LEF1: variants seen among roughly 807,000 people sequenced by gnomAD.
LEF1 encodes lymphoid enhancer-binding factor 1.
In LEF1, 14 loss-of-function variants were observed where a neutral mutation model predicts 51.2. The observed-to-expected ratio is 0.27, with a 90% CI of 0.18 to 0.43. The LOEUF (loss-of-function observed/expected upper bound fraction) is 0.43. Among genes scored for constraint, LEF1 ranks in the 20% least tolerant of loss-of-function variants. The probability of loss-of-function intolerance (pLI) is 1.00; values close to 1 mark genes in which losing one functional copy is unlikely to be tolerated. For synonymous variants in LEF1, 185 were observed against 183.2 expected (o/e 1.01, Z -0.08); for missense variants, 386 against 512.0 (o/e 0.75, Z 2.37).
At position 108,081,613 on chromosome 4, in the gene LEF1, G is replaced by A. The variant is rs561773931; in HGVS notation, c.695C>T (p.Ser232Leu). The A allele has an allele frequency of 5.6e-5, 90 of 1,614,162 alleles. No homozygotes were observed. In the South Asian group the frequency reaches 9.6e-4, roughly 17 times the overall value. Residue 232 changes from serine (S) to leucine (L), a missense_variant, in exon 6 of 12, where the codon TCA becomes TTA. Ser to Leu is a moderately radical substitution (Grantham distance 145). Around this residue, in one of 2 missense-constraint regions of LEF1, gnomAD observed 335 missense variants for 390.7 expected, o/e 0.86. Transcript: ENST00000265165. ...GGACATGGAAGTGTCGACTGACAGT[G>A]AGGATGGGTAGGGTTGCCTGAATCC... ...TGGFRQPYPS[S>L]LSVDTSMSRF...
intron 3 of LEF1, among the ~76,000 whole-genome samples, chr4:108,117,904 T>C (rs1044952430): frequency 6.6e-6 from 1 of 152,208 alleles, no homozygotes; most frequent in Non-Finnish European, 1.5e-5. Context: ...TTAGCACTTG[T>C]GAAATATAAC....
chr4:108,131,066 C>A (rs1742855345), intron 3 of LEF1, among the ~76,000 whole-genome samples: 1 of 151,878 alleles, frequency 6.6e-6, no homozygotes, highest in Admixed American at 6.6e-5. Context: ...AATTCAAACT[C>A]CTGGACTCAA....
intron 3 of LEF1, among the ~76,000 whole-genome samples, chr4:108,099,550 G>GTATATA (rs1740622728): frequency 2.2e-5 from 1 of 44,742 alleles, no homozygotes; most frequent in African/African-American, 5.4e-5. Context: ...ATATGTGTGT[G>GTATATA]TGTGTATGTG....
intron 2 of LEF1, among the ~76,000 whole-genome samples, chr4:108,164,008 G>A (rs1233962399): frequency 6.6e-6 from 1 of 152,048 alleles, no homozygotes; most frequent in African/African-American, 2.4e-5. Context: ...TAACAAACTG[G>A]ACTAAAATAT....
At chr4:108,162,397 GA>G (rs1225761123) in intron 3 of LEF1, among the ~76,000 whole-genome samples, 6 of 152,162 alleles carry the variant, frequency 3.9e-5, no homozygotes, top group African/African-American at 1.4e-4. Flanking sequence ...TTCAACAACT[GA>G]AGATTATGTG....
At chr4:108,081,460 CACAG>C (rs552150793) in intron 6 of LEF1, 122 bp downstream of exon 6, 55 of 709,482 alleles carry the variant, frequency 7.8e-5, no homozygotes, top group Middle Eastern at 3.9e-4. Context: ...AGGCACACTG[CACAG>C]ACAGACACAT....
intron 3 of LEF1, among the ~76,000 whole-genome samples, chr4:108,114,219 T>C (rs1467686802): frequency 2.6e-5 from 4 of 152,184 alleles, no homozygotes; most frequent in African/African-American, 9.7e-5. Context: ...ATTTTCTCTC[T>C]TCTTTATTGT....
intron 8 of LEF1, among the ~76,000 whole-genome samples, chr4:108,074,900 G>T (rs1485351747): frequency 6.6e-6 from 1 of 152,236 alleles, no homozygotes; most frequent in Non-Finnish European, 1.5e-5. Context: ...CAGCAGGAAA[G>T]TAATTCCCAC....
intron 3 of LEF1, among the ~76,000 whole-genome samples, chr4:108,158,048 C>T (rs191324235): frequency 6.6e-6 from 1 of 152,126 alleles, no homozygotes; most frequent in Non-Finnish European, 1.5e-5. Flanking sequence ...CAACTCCCCC[C>T]ACCTCCACCC....
intron 11 of LEF1, among the ~76,000 whole-genome samples, chr4:108,059,630 T>C (rs944426247): frequency 1.3e-5 from 2 of 152,182 alleles, no homozygotes; most frequent in African/African-American, 2.4e-5. Context: ...TAGCTTTACC[T>C]TTACTCGTCA....
intron 3 of LEF1, chr4:108,104,706 C>T (rs1436424569): frequency 1.0e-6 from 1 of 984,258 alleles, no homozygotes; most frequent in Non-Finnish European, 1.2e-6. Flanking sequence ...CCACTCCCCG[C>T]CCTCAATTCC....
At position 108,047,745 on chromosome 4, in the gene LEF1, C is replaced by A. The variant is rs565147303; in HGVS notation, c.*1013G>T. On this transcript the variant is annotated 3_prime_UTR_variant, in exon 12 of 12. Coordinates refer to ENST00000265165, the MANE Select transcript of LEF1 (RefSeq NM_016269.5). ...ACTAATTGGCTAATAAAAACAGATA[C>A]AAATACAGAACATTTAAAGTAATAA... The A allele has an allele frequency of 5.2e-5, 8 of 152,628 alleles. No individual in the cohort carries two copies. The South Asian group carries it at 1.7e-3, about 32-fold the overall frequency. The allele number at this position is 152,628 out of a possible 1,614,324, so 9.5% of individuals were successfully genotyped here. A position where few individuals can be genotyped will look rare whatever the true frequency, so the allele number is the denominator to read the frequency against.
intron 9 of LEF1, among the ~76,000 whole-genome samples, chr4:108,067,884 A>G (rs1738185100): frequency 6.6e-6 from 1 of 152,084 alleles, no homozygotes; most frequent in South Asian, 2.1e-4. Context: ...CTTACAGGGC[A>G]TGGCAGGAGC....
intron 3 of LEF1, among the ~76,000 whole-genome samples, chr4:108,099,232 T>C (rs1053243926): frequency 6.6e-6 from 1 of 152,142 alleles, no homozygotes; most frequent in Non-Finnish European, 1.5e-5. Flanking sequence ...ATTACATATA[T>C]GACTTGCATT....
At position 108,128,018 on chromosome 4, in the gene LEF1, G is replaced by A. The variant is rs571201984; in HGVS notation, c.414+35550C>T. ...TTTGCTTATGTGTTATATTTATTGT[G>A]TCAAATAATGGTATTCACTGCATAA... On this transcript the variant is annotated intron_variant, in intron 3 of 11. Coordinates refer to ENST00000265165, the MANE Select transcript of LEF1 (RefSeq NM_016269.5). Among the ~76,000 whole-genome samples the A allele has an allele frequency of 2.0e-5, 3 of 152,202 alleles. No individual in the cohort carries two copies. In the South Asian group the frequency reaches 6.2e-4, roughly 32 times the overall value.
At chr4:108,076,161 C>T (rs1239825975) in intron 8 of LEF1, among the ~76,000 whole-genome samples, 2 of 152,180 alleles carry the variant, frequency 1.3e-5, no homozygotes, top group Non-Finnish European at 2.9e-5. Context: ...CTCAGAGGGG[C>T]CTGCCCAAGC....
intron 3 of LEF1, among the ~76,000 whole-genome samples, chr4:108,105,273 C>T (rs969727819): frequency 4.6e-5 from 7 of 151,796 alleles, no homozygotes; most frequent in African/African-American, 1.2e-4. Flanking sequence ...CTCTGCCTCC[C>T]GGGTTCCAGC....
chr4:108,159,227 T>G (rs561313779), intron 3 of LEF1, among the ~76,000 whole-genome samples: 1 of 152,114 alleles, frequency 6.6e-6, no homozygotes, highest in Non-Finnish European at 1.5e-5. Flanking sequence ...CTGTCCCAAA[T>G]TGTAGCAATG....
At chr4:108,087,886 A>G (rs1349823058) in intron 4 of LEF1, among the ~76,000 whole-genome samples, 1 of 152,132 alleles carries the variant, frequency 6.6e-6, no homozygotes, top group Non-Finnish European at 1.5e-5. Context: ...TGAGACCCCT[A>G]TCTTAATTCC....
Sources: allele counts gnomAD v4.1 joint callset (sites outside exome capture counted in the v4.1 genomes callset), GRCh38; gene constraint gnomAD v4.1.1; regional missense constraint gnomAD v4.1.1; transcripts MANE v1.5; gene names NCBI Gene and HGNC (gene_info 2026-07-23, HGNC 2026-07-21).